XIRP2: variants seen among roughly 807,000 people sequenced by gnomAD.
The protein encoded by XIRP2 is xin actin binding repeat containing 2, also known as xin actin-binding repeat-containing protein 2.
A neutral mutation model predicts 277.0 loss-of-function variants in XIRP2; 236 were observed. That is an observed-to-expected ratio of 0.85 (90% CI 0.77 to 0.95). The LOEUF is 0.95. XIRP2 is among the 40% of genes least tolerant of loss of function. The probability of loss-of-function intolerance (pLI) is 0.00; values close to 1 mark genes in which losing one functional copy is unlikely to be tolerated. For missense variants in XIRP2, 4,640 were observed against 4,157.5 expected (o/e 1.12, Z -3.19); for synonymous variants, 1,490 against 1,416.5 (o/e 1.05, Z -1.17).
intron 2 of XIRP2, among the ~76,000 whole-genome samples, chr2:166,940,667 C>T (rs1437004771): frequency 6.6e-6 from 1 of 152,190 alleles, no homozygotes; most frequent in Non-Finnish European, 1.5e-5. Flanking sequence ...TTCTAACAGT[C>T]AGGACCCTCA....
intron 2 of XIRP2, among the ~76,000 whole-genome samples, chr2:167,085,104 A>C: frequency 7.2e-6 from 1 of 139,688 alleles, no homozygotes; most frequent in Non-Finnish European, 1.6e-5. Flanking sequence ...CCCTCTACAC[A>C]CTGCTTTGAA....
At chr2:167,168,078 T>C (rs1431809883) in intron 3 of XIRP2, among the ~76,000 whole-genome samples, 1 of 152,200 alleles carries the variant, frequency 6.6e-6, no homozygotes. Flanking sequence ...GGGTTTCTGA[T>C]GACAAGTCAA....
chr2:167,241,816 C>T lies in XIRP2; in HGVS notation c.1082C>T (p.Ser361Leu), dbSNP rs760199610. 57 of 1,613,208 alleles carry T rather than the reference C, an allele frequency of 3.5e-5. No individual in the cohort carries two copies. Among genetic ancestry groups the T allele is most frequent in the Middle Eastern group, 1.6e-4 (1 of 6,082 alleles). ...TPEDEEIPKV[S>L]TKLLKEQFEK... Reference sequence around the variant, plus strand: ...GAGGATGAAGAGATTCCAAAGGTTTCGACTAAGTTGTTAAAAGAGCAGTTT... The same window carrying T: ...GAGGATGAAGAGATTCCAAAGGTTTTGACTAAGTTGTTAAAAGAGCAGTTT... Residue 361 changes from serine (S) to leucine (L), a missense_variant, in exon 8 of 11, where the codon TCG becomes TTG. Ser to Leu is a moderately radical substitution (Grantham distance 145). Transcript: ENST00000409195.
chr2:166,902,740 C>G (rs2105335769), intron 1 of XIRP2, among the ~76,000 whole-genome samples: 1 of 151,962 alleles, frequency 6.6e-6, no homozygotes, highest in South Asian at 2.1e-4. Context: ...ACTCAAAGTA[C>G]AAAAGATAAA....
intron 2 of XIRP2, among the ~76,000 whole-genome samples, chr2:167,021,742 A>G (rs925165598): frequency 2.6e-5 from 4 of 151,880 alleles, no homozygotes; most frequent in Non-Finnish European, 4.4e-5. Flanking sequence ...GGAGGATCTC[A>G]TGAGCCCAAG....
At chr2:166,958,849 T>C (rs556583625) in intron 2 of XIRP2, among the ~76,000 whole-genome samples, 1 of 151,808 alleles carries the variant, frequency 6.6e-6, no homozygotes, top group Non-Finnish European at 1.5e-5. Context: ...CATAAATAAA[T>C]AATCAGCCTT....
intron 2 of XIRP2, among the ~76,000 whole-genome samples, chr2:167,119,212 G>A (rs752260620): frequency 4.6e-5 from 7 of 152,112 alleles, no homozygotes; most frequent in East Asian, 1.9e-4. Flanking sequence ...GGAAGCTCAC[G>A]AAAGGAAACT....
intron 2 of XIRP2, among the ~76,000 whole-genome samples, chr2:166,908,916 C>T (rs1251418398): frequency 6.6e-6 from 1 of 152,134 alleles, no homozygotes; most frequent in Non-Finnish European, 1.5e-5. Context: ...TGTCAAAGAT[C>T]AGATGGTTGT....
At chr2:167,196,729 A>G (rs964639780) in intron 3 of XIRP2, among the ~76,000 whole-genome samples, 1 of 152,084 alleles carries the variant, frequency 6.6e-6, no homozygotes, top group Non-Finnish European at 1.5e-5. Context: ...ACACTGGGAC[A>G]TCCTGAAAAC....
At chr2:167,183,726 C>T (rs1693082073) in intron 3 of XIRP2, among the ~76,000 whole-genome samples, 1 of 152,000 alleles carries the variant, frequency 6.6e-6, no homozygotes, top group African/African-American at 2.4e-5. Flanking sequence ...TAAGTATCTA[C>T]AACACCTGCT....
At chr2:166,962,104 C>T (rs766864966) in intron 2 of XIRP2, among the ~76,000 whole-genome samples, 13 of 151,638 alleles carry the variant, frequency 8.6e-5, no homozygotes, top group Non-Finnish European at 1.9e-4. Context: ...TTAATAGCAT[C>T]ATGGGCAACA....
At chr2:166,985,092 A>G (rs535705653) in intron 2 of XIRP2, among the ~76,000 whole-genome samples, 2 of 152,322 alleles carry the variant, frequency 1.3e-5, no homozygotes, top group East Asian at 3.9e-4. Context: ...TTTCCACAAC[A>G]TCCTGCACAA....
chr2:167,009,161 C>T (rs774164681), intron 2 of XIRP2, among the ~76,000 whole-genome samples: 76 of 150,996 alleles, frequency 5.0e-4, no homozygotes, highest in Non-Finnish European at 9.4e-4. Flanking sequence ...GTGCTGCATC[C>T]ATTAACTCAT....
chr2:167,221,333 G>A (rs1048466974), intron 5 of XIRP2, among the ~76,000 whole-genome samples: 12 of 151,870 alleles, frequency 7.9e-5, no homozygotes, highest in East Asian at 1.9e-4. Flanking sequence ...GTGTGGTGGC[G>A]TATGCCTGTA....
intron 6 of XIRP2, 64 bp downstream of exon 6, chr2:167,240,029 G>T: frequency 7.2e-7 from 1 of 1,396,454 alleles, no homozygotes; most frequent in Non-Finnish European, 9.6e-7. Context: ...TTATGACTTT[G>T]TTGTAAGCAT....
chr2:167,029,557 G>T (rs907477325), intron 2 of XIRP2, among the ~76,000 whole-genome samples: 3 of 152,022 alleles, frequency 2.0e-5, no homozygotes, highest in African/African-American at 4.8e-5. Context: ...GGATGAAGCT[G>T]ACTTGATTGT....
At chr2:167,020,504 G>C (rs1687951734) in intron 2 of XIRP2, among the ~76,000 whole-genome samples, 1 of 151,884 alleles carries the variant, frequency 6.6e-6, no homozygotes, top group African/African-American at 2.4e-5. Flanking sequence ...TATATAAACT[G>C]TATATATGTC....
At chr2:166,906,155 A>T (rs192437976) in intron 2 of XIRP2, among the ~76,000 whole-genome samples, 9 of 152,148 alleles carry the variant, frequency 5.9e-5, no homozygotes, top group African/African-American at 1.9e-4. Context: ...ATAATTTCAA[A>T]TAAGGAAAAT....
intron 2 of XIRP2, among the ~76,000 whole-genome samples, chr2:167,128,353 G>A (rs954052763): frequency 5.3e-5 from 8 of 152,154 alleles, no homozygotes; most frequent in South Asian, 2.1e-4. Flanking sequence ...AACTGTGTGC[G>A]TCCACTTACA....
Sources: allele counts gnomAD v4.1 joint callset (sites outside exome capture counted in the v4.1 genomes callset), GRCh38; gene constraint gnomAD v4.1.1; transcripts MANE v1.5; gene names NCBI Gene and HGNC (gene_info 2026-07-23, HGNC 2026-07-21).